KDM4C: variants seen among roughly 807,000 people sequenced by gnomAD.
KDM4C encodes the protein lysine-specific demethylase 4C.
KDM4C carries 81 observed loss-of-function variants against 129.3 expected under a neutral mutation model. The ratio of observed to expected loss-of-function variants is 0.63; its 90% CI spans 0.52 to 0.75. The LOEUF is 0.75. KDM4C is among the 30% of genes least tolerant of loss of function. KDM4C has a pLI of 0.00. For missense variants in KDM4C, 1,457 were observed against 1,304.0 expected (o/e 1.12, Z -1.81); for synonymous variants, 573 against 456.1 (o/e 1.26, Z -3.26).
intron 21 of KDM4C, among the ~76,000 whole-genome samples, chr9:7,172,395 G>A (rs1003126517): frequency 2.0e-5 from 3 of 152,090 alleles, no homozygotes; most frequent in African/African-American, 4.8e-5. Flanking sequence ...CTGGTAAATC[G>A]GTTTTATTAT....
intron 1 of KDM4C, among the ~76,000 whole-genome samples, chr9:6,784,521 C>G (rs1235146137): frequency 1.3e-5 from 2 of 152,088 alleles, no homozygotes. Context: ...TGTGAGCCAC[C>G]ACACTCGGCC....
At chr9:6,995,029 G>T (rs1819435727) in intron 12 of KDM4C, among the ~76,000 whole-genome samples, 1 of 149,686 alleles carries the variant, frequency 6.7e-6, no homozygotes, top group Admixed American at 6.7e-5. Flanking sequence ...TATGGTGGTT[G>T]TACAGGCTAC....
rs189988238 is a variant in KDM4C, at chr9:7,043,950, G to C, written c.2260-2912G>C. The stretch of plus-strand genomic sequence containing the variant: ...ACTCTTCCCTGTTTTGCCATGTTTT[G>C]TTATTTATTTAACAAACTCATATTA... On this transcript the variant is annotated intron_variant, in intron 15 of 21. Coordinates refer to ENST00000381309, the MANE Select transcript of KDM4C (RefSeq NM_015061.6). 2.6e-5 allele frequency among the ~76,000 whole-genome samples: 4 copies of C among 152,020 alleles called. No homozygotes were observed. The East Asian group carries it at 7.8e-4, about 29-fold the overall frequency.
intron 12 of KDM4C, among the ~76,000 whole-genome samples, chr9:7,004,790 C>T (rs560874663): frequency 6.6e-6 from 1 of 152,198 alleles, no homozygotes; most frequent in Non-Finnish European, 1.5e-5. Context: ...TGGCTCTGTT[C>T]TAATCTGTGT....
intron 17 of KDM4C, among the ~76,000 whole-genome samples, chr9:7,052,910 T>TATTGTTGTACAGTGGGGTGCTTTA (rs1554718570): frequency 7.9e-6 from 1 of 126,716 alleles, no homozygotes; most frequent in Admixed American, 7.6e-5. Flanking sequence ...AGCGAGCGAG[T>TATTGTTGTACAGTGGGGTGCTTTA]GCCCAAGGGA....
At chr9:6,721,132 G>C in intron 1 of KDM4C, 1 of 736,464 alleles carries the variant, frequency 1.4e-6, no homozygotes, top group South Asian at 1.8e-5. Context: ...AGAGGGCAGT[G>C]GTGCAATCAC....
At chr9:7,033,168 C>T (rs544412219) in intron 15 of KDM4C, among the ~76,000 whole-genome samples, 22 of 147,936 alleles carry the variant, frequency 1.5e-4, no homozygotes, top group East Asian at 5.9e-4. Flanking sequence ...TTTAATTCCA[C>T]GGGATACTGT....
At chr9:6,913,507 G>A (rs1819706444) in intron 8 of KDM4C, among the ~76,000 whole-genome samples, 1 of 152,164 alleles carries the variant, frequency 6.6e-6, no homozygotes, top group Non-Finnish European at 1.5e-5. Flanking sequence ...TGTACAGTGC[G>A]CTTCTCCATT....
At chr9:7,059,988 C>T (rs780218269) in intron 17 of KDM4C, among the ~76,000 whole-genome samples, 44 of 151,948 alleles carry the variant, frequency 2.9e-4, no homozygotes, top group Non-Finnish European at 4.7e-4. Flanking sequence ...TAAAAGAGTC[C>T]GGATACCAAA....
intron 3 of KDM4C, among the ~76,000 whole-genome samples, chr9:6,812,468 G>C (rs1222067692): frequency 1.3e-5 from 2 of 152,128 alleles, no homozygotes; most frequent in Admixed American, 6.5e-5. Context: ...TCTATGGATG[G>C]GAGTGGTGGG....
At chr9:7,122,255 A>G (rs1346467009) in intron 18 of KDM4C, among the ~76,000 whole-genome samples, 1 of 107,822 alleles carries the variant, frequency 9.3e-6, no homozygotes, top group Admixed American at 1.2e-4. Flanking sequence ...ACACACACAC[A>G]CACACACACA....
chr9:6,966,376 G>T lies in KDM4C; in HGVS notation c.922-14549G>T, dbSNP rs60921280. 1.2e-3 allele frequency among the ~76,000 whole-genome samples: 188 copies of T among 152,130 alleles called. 3 individuals are homozygous for T. In the East Asian group the frequency reaches 0.032, roughly 26 times the overall value. ...TTTTTGTATTTTTAGTAGAGACGGG[G>T]TTTCACTGTGGTCTTGATCTCCTGA... On this transcript the variant is annotated intron_variant, in intron 8 of 21. Coordinates refer to ENST00000381309, the MANE Select transcript of KDM4C (RefSeq NM_015061.6).
intron 17 of KDM4C, among the ~76,000 whole-genome samples, chr9:7,058,787 A>G (rs1044294147): frequency 3.9e-5 from 6 of 152,198 alleles, no homozygotes; most frequent in African/African-American, 9.6e-5. Flanking sequence ...GCTATAATAC[A>G]TCATGGCCTT....
At chr9:7,093,059 A>C (rs1835984996) in intron 17 of KDM4C, among the ~76,000 whole-genome samples, 1 of 152,150 alleles carries the variant, frequency 6.6e-6, no homozygotes, top group African/African-American at 2.4e-5. Context: ...GGGCTTGTCC[A>C]ATATCTGTTT....
At chr9:6,812,687 C>T (rs920817966) in intron 3 of KDM4C, among the ~76,000 whole-genome samples, 4 of 152,100 alleles carry the variant, frequency 2.6e-5, no homozygotes, top group African/African-American at 7.2e-5. Context: ...CCTAACAGGC[C>T]GCGGACCCCT....
At chr9:6,761,166 T>TG (rs904696491) in intron 1 of KDM4C, among the ~76,000 whole-genome samples, 101 of 152,004 alleles carry the variant, frequency 6.6e-4, no homozygotes, top group Middle Eastern at 6.8e-3. Flanking sequence ...CCCACCATCA[T>TG]GCTTGGCTAA....
At chr9:6,804,900 G>C (rs529389412) in intron 2 of KDM4C, among the ~76,000 whole-genome samples, 1 of 151,612 alleles carries the variant, frequency 6.6e-6, no homozygotes, top group Non-Finnish European at 1.5e-5. Flanking sequence ...ACATAATTTC[G>C]TCTTTTTTTG....
rs1254712653 is a variant in KDM4C, at chr9:6,807,104, G to A, written c.320+1330G>A. On this transcript the variant is annotated intron_variant, in intron 3 of 21. Coordinates refer to ENST00000381309, the MANE Select transcript of KDM4C (RefSeq NM_015061.6). Reference sequence around the variant, plus strand: ...GGGGTTTCGCTGTGTTGGCCGGGCCGGTCTCCAGCCCCTAACCGCGAGTGA... The same window carrying A: ...GGGGTTTCGCTGTGTTGGCCGGGCCAGTCTCCAGCCCCTAACCGCGAGTGA... 1.8e-3 allele frequency among the ~76,000 whole-genome samples: 271 copies of A among 151,986 alleles called. 1 individual carries two copies. The highest frequency in any genetic ancestry group is 5.7e-3 in the African/African-American group (238 of 41,472).
intron 17 of KDM4C, among the ~76,000 whole-genome samples, chr9:7,075,300 T>C (rs1833768801): frequency 6.6e-6 from 1 of 152,216 alleles, no homozygotes; most frequent in Non-Finnish European, 1.5e-5. Context: ...CTGTCCTGTT[T>C]CATCTTCTAT....
Sources: allele counts gnomAD v4.1 joint callset (sites outside exome capture counted in the v4.1 genomes callset), GRCh38; gene constraint gnomAD v4.1.1; transcripts MANE v1.5; gene names NCBI Gene and HGNC (gene_info 2026-07-23, HGNC 2026-07-21).